The following FABP3 variants were observed in gnomAD, a reference collection of about 807,000 sequenced individuals.
FABP3 encodes fatty acid-binding protein, heart.
In FABP3, 8 loss-of-function variants were observed where a neutral mutation model predicts 13.4. The ratio of observed to expected loss-of-function variants is 0.60; its 90% CI spans 0.35 to 1.07. FABP3 has a LOEUF of 1.07. Among genes scored for constraint, FABP3 ranks in the 50% least tolerant of loss-of-function variants. The pLI is 0.02. For missense variants in FABP3, 135 were observed against 164.7 expected (o/e 0.82, Z 0.99); for synonymous variants, 64 against 60.0 (o/e 1.07, Z -0.31).
At chr1:31,362,863 T>C (rs1569958523), downstream of FABP3, among the ~76,000 whole-genome samples, 1 of 152,160 alleles carries the variant, frequency 6.6e-6, no homozygotes, top group Non-Finnish European at 1.5e-5. Flanking sequence ...TTAAAAAAAA[T>C]CAAATTAGAC....
chr1:31,369,704 T>C (rs1384106057), intron 1 of FABP3, 147 bp from the exon 2 acceptor site: 14 of 726,990 alleles, frequency 1.9e-5, no homozygotes, highest in Non-Finnish European at 3.2e-5. Flanking sequence ...TAAAATTCAG[T>C]CTTGCGCTTA....
Position 31,369,425 on chromosome 1 carries a change from A to G in FABP3, c.206T>C (p.Val69Ala), listed in dbSNP as rs1228412293. The change falls in exon 2 of 4, where the codon GTG becomes GCG. Residue 69 changes from valine to alanine, a missense_variant. Transcript: ENST00000373713. ...KNTEISFKLG[V>A]EFDETTADDR... ...ATCTGCTGTTGTCTCATCGAACTCC[A>G]CCCCCAACTTAAAGCTGATCTCTGT... 1 of 1,613,444 alleles carries G rather than the reference A, an allele frequency of 6.2e-7. No individual in the cohort carries two copies. The highest frequency in any genetic ancestry group is 2.2e-5 in the East Asian group (1 of 44,852).
In FABP3 at chr1:31,369,424, C is replaced by G; in HGVS notation, c.207G>C (p.Val69=). Reference sequence around the variant, plus strand: ...CATCTGCTGTTGTCTCATCGAACTCCACCCCCAACTTAAAGCTGATCTCTG... The same window carrying G: ...CATCTGCTGTTGTCTCATCGAACTCGACCCCCAACTTAAAGCTGATCTCTG... The part of the protein sequence containing the change: ...KNTEISFKLG[V]EFDETTADDR... Residue 69 remains valine, a synonymous_variant, in exon 2 of 4, where the codon GTG becomes GTC. Transcript: ENST00000373713. 2 of 1,614,150 alleles carry G rather than the reference C, an allele frequency of 1.2e-6. No individual in the cohort carries two copies. Among genetic ancestry groups the G allele is most frequent in the Non-Finnish European group, 1.7e-6 (2 of 1,180,030 alleles).
intron 1 of FABP3, 32 bp downstream of exon 1, chr1:31,372,910 A>G (rs758152239): frequency 6.2e-7 from 1 of 1,607,220 alleles, no homozygotes; most frequent in Admixed American, 1.7e-5. Context: ...CCAGTCCCCA[A>G]GCCAACATCC....
chr1:31,365,969 G>T, intron 3 of FABP3, 30 bp from the exon 4 acceptor site: 1 of 1,607,984 alleles, frequency 6.2e-7, no homozygotes, highest in South Asian at 1.1e-5. Context: ...GAGATGGGGG[G>T]TGGAGCCAGG....
intron 2 of FABP3, 50 bp downstream of exon 2, chr1:31,369,332 CTCT>C: frequency 6.3e-7 from 1 of 1,579,942 alleles, no homozygotes; most frequent in Non-Finnish European, 8.6e-7. Flanking sequence ...CCAGCCTATT[CTCT>C]TTTAGAGTCT....
At chr1:31,362,994 A>G (rs1557465374), downstream of FABP3, among the ~76,000 whole-genome samples, 1 of 152,174 alleles carries the variant, frequency 6.6e-6, no homozygotes, top group Non-Finnish European at 1.5e-5. Flanking sequence ...TGTATACTAA[A>G]TATACACAAG....
chr1:31,366,234 C>T (rs759363105), intron 3 of FABP3, among the ~76,000 whole-genome samples: 2 of 151,972 alleles, frequency 1.3e-5, no homozygotes, highest in African/African-American at 2.4e-5. Flanking sequence ...AGTGTTTTTC[C>T]TTCCCTTATA....
the FABP3 span, among the ~76,000 whole-genome samples, chr1:31,359,744 T>C: frequency 6.6e-6 from 1 of 152,176 alleles, no homozygotes. Context: ...GACCAGTGGC[T>C]TCCTTCCAGT....
Position 31,372,949 on chromosome 1 carries a change from CTTCATGTAGTCATCGAAATTCT to C in FABP3, c.44_65del (p.Lys15SerfsTer15). ...GCCCCGCGGCTTGCTCACCGAGTGA[CTTCATGTAGTCATCGAAATTCT>C]TGCTGTCCACTAGCTTCCAGGTGCC... On this transcript the variant is annotated frameshift_variant, in exon 1 of 4. Coordinates refer to ENST00000373713, the MANE Select transcript of FABP3 (RefSeq NM_004102.5). LOFTEE classifies it high-confidence loss of function. 1 of 1,613,508 alleles carries C rather than the reference CTTCATGTAGTCATCGAAATTCT, an allele frequency of 6.2e-7. No homozygotes were observed. The highest frequency in any genetic ancestry group is 2.2e-5 in the East Asian group (1 of 44,890).
In FABP3 at chr1:31,365,353, T is replaced by A. The variant is rs1640082638; in HGVS notation, c.*533A>T. On this transcript the variant is annotated 3_prime_UTR_variant, in exon 4 of 4. Coordinates refer to ENST00000373713, the MANE Select transcript of FABP3 (RefSeq NM_004102.5). The stretch of plus-strand genomic sequence containing the variant: ...AACAGCCAGACCCAAGAGCTTTCAG[T>A]GTAGGATGGGCCTGAAGTGACAGTT... Among the ~76,000 whole-genome samples, 1 of 152,034 alleles carries A rather than the reference T, an allele frequency of 6.6e-6. No individual in the cohort carries two copies. Among genetic ancestry groups the A allele is most frequent in the African/African-American group, 2.4e-5 (1 of 41,396 alleles).
rs534546319 is a variant in FABP3, at chr1:31,369,200, GA to G, written c.246+184del. ...AGGGAGGGAAGAAAACAAGAGGACA[GA>G]ACTGACATGTATTTAGCATCAGTGG... On this transcript the variant is annotated intron_variant, in intron 2 of 3. Transcript: ENST00000373713. 455 of 663,444 alleles carry G rather than the reference GA, an allele frequency of 6.9e-4. 3 individuals are homozygous for G. The highest frequency in any genetic ancestry group is 5.5e-3 in the South Asian group (260 of 47,530). The allele number at this position is 663,444 out of a possible 1,614,324, so 41.1% of individuals were successfully genotyped here. A position where few individuals can be genotyped will look rare whatever the true frequency, so the allele number is the denominator to read the frequency against.
In FABP3 at chr1:31,373,022, C is replaced by A; in HGVS notation, c.-8G>T. 1 of 1,613,806 alleles carries A rather than the reference C, an allele frequency of 6.2e-7. No individual in the cohort carries two copies. Among genetic ancestry groups the A allele is most frequent in the East Asian group, 2.2e-5 (1 of 44,892 alleles). On this transcript the variant is annotated 5_prime_UTR_variant, in exon 1 of 4. Coordinates refer to ENST00000373713, the MANE Select transcript of FABP3 (RefSeq NM_004102.5). Reference sequence around the variant, plus strand: ...CAGGAAAGCGTCCACCATAGTGATGCTGGGCTAGGCTGAGAGAAGCTACAA... The same window carrying A: ...CAGGAAAGCGTCCACCATAGTGATGATGGGCTAGGCTGAGAGAAGCTACAA...
intron 1 of FABP3, among the ~76,000 whole-genome samples, chr1:31,370,461 C>G (rs375425693): frequency 1.2e-4 from 19 of 152,280 alleles, no homozygotes; most frequent in African/African-American, 4.6e-4. Flanking sequence ...AAGTTTTTAC[C>G]CTGAAACTAA....
intron 1 of FABP3, among the ~76,000 whole-genome samples, chr1:31,370,747 A>C (rs1444097501): frequency 6.6e-6 from 1 of 152,280 alleles, no homozygotes; most frequent in East Asian, 1.9e-4. Flanking sequence ...CAAAGAACTA[A>C]TCATGACTGC....
In FABP3 at chr1:31,370,857, A is replaced by G. The variant is rs542479087; in HGVS notation, c.74-1300T>C. Among the ~76,000 whole-genome samples, 576 of 152,322 alleles carry G rather than the reference A, an allele frequency of 3.8e-3. 1 individual carries two copies. Among genetic ancestry groups the G allele is most frequent in the Non-Finnish European group, 5.4e-3 (367 of 68,030 alleles). On this transcript the variant is annotated intron_variant, in intron 1 of 3. Transcript: ENST00000373713. The stretch of plus-strand genomic sequence containing the variant: ...TGAGGTGGTGTGTGTAAAGTCTCCA[A>G]ATGTACCTGGCTACATAGTGCTTGC...
chr1:31,367,644 C>T, intron 2 of FABP3, 150 bp from the exon 3 acceptor site: 1 of 679,106 alleles, frequency 1.5e-6, no homozygotes, highest in Admixed American at 2.2e-5. Context: ...CGCCTCCCAG[C>T]TATCCCTGCA....
chr1:31,369,646 A>G lies in FABP3; in HGVS notation c.74-89T>C, dbSNP rs904018183. On this transcript the variant is annotated intron_variant, in intron 1 of 3. Transcript: ENST00000373713. The stretch of plus-strand genomic sequence containing the variant: ...CAATGAATAACTCTCAGGCCTGGGT[A>G]TGGGGAAGTGGAGGACTGTATCTTT... 1.2e-5 allele frequency: 15 copies of G among 1,267,048 alleles called. No individual in the cohort carries two copies. In the African/African-American group the frequency reaches 1.5e-4, roughly 12 times the overall value. 78.5% of individuals were successfully genotyped at this position (1,267,048 alleles called of 1,614,324 possible). A position where few individuals can be genotyped will look rare whatever the true frequency, so the allele number is the denominator to read the frequency against.
At chr1:31,359,589 CTT>C in the FABP3 span, among the ~76,000 whole-genome samples, 7 of 152,200 alleles carry the variant, frequency 4.6e-5, no homozygotes, top group South Asian at 1.5e-3. Flanking sequence ...GCTATATTCT[CTT>C]TTTTCAGTTT....
Sources: allele counts gnomAD v4.1 joint callset (sites outside exome capture counted in the v4.1 genomes callset), GRCh38; gene constraint gnomAD v4.1.1; transcripts MANE v1.5; gene names NCBI Gene and HGNC (gene_info 2026-07-23, HGNC 2026-07-21).